PPP1R9A: variants seen among roughly 807,000 people sequenced by gnomAD.
The protein encoded by PPP1R9A is protein phosphatase 1 regulatory subunit 9A.
Under a neutral mutation model 141.9 loss-of-function variants are expected in PPP1R9A, and 59 were observed. The observed-to-expected ratio is 0.42, with a 90% CI of 0.34 to 0.52. The LOEUF (loss-of-function observed/expected upper bound fraction) is 0.52, where lower values mean the gene tolerates loss of function less well. Ranked by LOEUF, PPP1R9A falls within the 20% of genes least tolerant of loss-of-function variation. The pLI is 0.10. For synonymous variants in PPP1R9A, 500 were observed against 569.7 expected, an observed-to-expected ratio of 0.88 and a Z score of 1.74; for missense variants, 1,444 against 1,611.9, an observed-to-expected ratio of 0.90 and a Z score of 1.78.
At chr7:94,909,522 T>C (rs928350381) in intron 1 of PPP1R9A, among the ~76,000 whole-genome samples, 1 of 152,194 alleles carries the variant, frequency 6.6e-6, no homozygotes, top group African/African-American at 2.4e-5. Context: ...TCTGGACAGT[T>C]TGATGATTTC....
chr7:95,083,055 G>A (rs994270740), intron 2 of PPP1R9A, among the ~76,000 whole-genome samples: 3 of 151,918 alleles, frequency 2.0e-5, no homozygotes, highest in South Asian at 2.1e-4. Context: ...GCGCCCAGCC[G>A]GGATTTCTTT....
intron 7 of PPP1R9A, among the ~76,000 whole-genome samples, chr7:95,216,529 G>A (rs1284874342): frequency 1.3e-5 from 2 of 152,114 alleles, no homozygotes; most frequent in Non-Finnish European, 2.9e-5. Context: ...TGATGGGGAT[G>A]GCATTGAATC....
At chr7:95,083,331 A>G (rs1477648223) in intron 2 of PPP1R9A, among the ~76,000 whole-genome samples, 2 of 151,790 alleles carry the variant, frequency 1.3e-5, no homozygotes, top group Non-Finnish European at 2.9e-5. Flanking sequence ...CCTGTGTGAC[A>G]TTCCTTGCCC....
Position 95,252,024 on chromosome 7 carries a change from TAAC to T in PPP1R9A, c.2564_2566del (p.Asn855del), listed in dbSNP as rs778316777. The T allele has an allele frequency of 3.7e-6, 6 of 1,613,408 alleles. No individual in the cohort carries two copies. Among genetic ancestry groups the T allele is most frequent in the Non-Finnish European group, 5.1e-6 (6 of 1,179,794 alleles). On this transcript the variant is annotated inframe_deletion, in exon 12 of 20. Transcript: ENST00000433360. ...AAAATGGGACTCAAGTTAACAATAA[TAAC>T]AACATCTTTGAGAGAAGAACATCTC...
chr7:95,179,778 C>CAAAAAAAAAAAAAAAA (rs61054939), intron 5 of PPP1R9A, among the ~76,000 whole-genome samples: 1 of 97,002 alleles, frequency 1.0e-5, no homozygotes, highest in Non-Finnish European at 2.1e-5. Flanking sequence ...ACAATAGCTG[C>CAAAAAAAAAAAAAAAA]AAAAAAAAAA....
In PPP1R9A at chr7:95,122,146, A is replaced by AT. The variant is rs1273220292; in HGVS notation, c.1649+1332dup. 9.5e-3 allele frequency among the ~76,000 whole-genome samples: 1,275 copies of AT among 133,872 alleles called. 18 individuals are homozygous for AT. Among genetic ancestry groups the AT allele is most frequent in the African/African-American group, 0.025 (899 of 36,052 alleles). The allele number at this position is 133,872 out of a possible 152,430, so 87.8% of individuals were successfully genotyped here. ...AATCTGTGAGGAGACCCAGAGCACC[A>AT]TTTTTTTTTTTTTTTTTTGAGATGG... On this transcript the variant is annotated intron_variant, in intron 4 of 19. Transcript: ENST00000433360.
At chr7:95,201,092 T>C (rs1185929396) in intron 6 of PPP1R9A, among the ~76,000 whole-genome samples, 1 of 152,222 alleles carries the variant, frequency 6.6e-6, no homozygotes, top group Non-Finnish European at 1.5e-5. Context: ...CTTTGTTCTG[T>C]ATTTCTAATA....
intron 2 of PPP1R9A, among the ~76,000 whole-genome samples, chr7:94,916,107 C>T (rs1003582322): frequency 1.3e-5 from 2 of 152,224 alleles, no homozygotes; most frequent in Non-Finnish European, 2.9e-5. Flanking sequence ...TGACTGCCTT[C>T]ATTTCACCAG....
intron 2 of PPP1R9A, among the ~76,000 whole-genome samples, chr7:95,006,051 T>C (rs1338329168): frequency 6.6e-6 from 1 of 152,056 alleles, no homozygotes. Context: ...GGTAGGATAT[T>C]TTTATTAAGT....
Position 95,044,861 on chromosome 7 carries a change from C to G in PPP1R9A, c.1396-66398C>G, listed in dbSNP as rs543355569. On this transcript the variant is annotated intron_variant, in intron 2 of 19. Coordinates refer to ENST00000433360, the MANE Select transcript of PPP1R9A (RefSeq NM_001166160.2). ...GTGCTGGGATTTACAGAGTGAGCCA[C>G]TGTGCCTGACCTCAGTCTTTGATTT... Among the ~76,000 whole-genome samples, 24 of 151,916 alleles carry G rather than the reference C, an allele frequency of 1.6e-4. No individual in the cohort carries two copies. The South Asian group carries it at 4.6e-3, about 29-fold the overall frequency.
chr7:95,035,590 G>A (rs1808323353), intron 2 of PPP1R9A: 1 of 152,084 alleles, frequency 6.6e-6, no homozygotes, highest in Admixed American at 6.6e-5. Flanking sequence ...CATATAACAA[G>A]ATTTAAGGAT....
chr7:94,963,091 G>T (rs114161204), intron 2 of PPP1R9A, among the ~76,000 whole-genome samples: 3,555 of 152,114 alleles, frequency 0.023, 155 homozygotes, highest in African/African-American at 0.081. Context: ...AGGCATTTGG[G>T]TTTATGAAAC....
chr7:95,015,259 CAT>C (rs1294108531), intron 2 of PPP1R9A, among the ~76,000 whole-genome samples: 2 of 150,898 alleles, frequency 1.3e-5, no homozygotes, highest in African/African-American at 2.4e-5. Flanking sequence ...TACACACACA[CAT>C]ACATATACAT....
intron 2 of PPP1R9A, among the ~76,000 whole-genome samples, chr7:94,982,857 A>G (rs1800299813): frequency 6.6e-6 from 1 of 152,076 alleles, no homozygotes; most frequent in Non-Finnish European, 1.5e-5. Flanking sequence ...TTTTGTTGCC[A>G]TTGCTTTTGG....
At chr7:95,258,674 C>T (rs1005714949) in intron 12 of PPP1R9A, among the ~76,000 whole-genome samples, 4 of 152,048 alleles carry the variant, frequency 2.6e-5, no homozygotes, top group African/African-American at 9.7e-5. Flanking sequence ...AAGAAAAACA[C>T]AACCAACATA....
At chr7:95,230,292 C>T (rs1349522565) in intron 8 of PPP1R9A, among the ~76,000 whole-genome samples, 2 of 152,124 alleles carry the variant, frequency 1.3e-5, no homozygotes, top group East Asian at 3.9e-4. Flanking sequence ...AGTTAGCCAG[C>T]AATGGATCCA....
rs190190318 is a variant in PPP1R9A, at chr7:94,975,845, A to C, written c.1395+64337A>C. On this transcript the variant is annotated intron_variant, in intron 2 of 19. Transcript: ENST00000433360. ...ATTCATAAAAACCAGTAATTTATTA[A>C]TTGTACATTTTTAACCCCTTCCTCT... 3.1e-3 allele frequency among the ~76,000 whole-genome samples: 470 copies of C among 152,278 alleles called. 1 individual carries two copies. The highest frequency in any genetic ancestry group is 4.6e-3 in the Non-Finnish European group (313 of 68,020).
At chr7:95,141,580 T>G (rs2152569037) in intron 4 of PPP1R9A, among the ~76,000 whole-genome samples, 1 of 152,172 alleles carries the variant, frequency 6.6e-6, no homozygotes, top group East Asian at 1.9e-4. Context: ...TCTATACATT[T>G]GGCTCTCCTG....
chr7:95,274,017 C>T (rs185502022), intron 15 of PPP1R9A, 31 bp downstream of exon 15: 1 of 1,498,628 alleles, frequency 6.7e-7, no homozygotes, highest in South Asian at 1.2e-5. Flanking sequence ...AAAGAAAGCC[C>T]TCTGTAAAAG....
Sources: gnomAD v4.1 joint callset for allele counts (sites outside exome capture counted in the v4.1 genomes callset) on GRCh38, gnomAD v4.1.1 for gene constraint, MANE v1.5 for transcripts, NCBI Gene and HGNC (gene_info 2026-07-23, HGNC 2026-07-21) for gene names.